NAV1: variants seen among roughly 807,000 people sequenced by gnomAD.
The protein encoded by NAV1 is neuron navigator 1.
In NAV1, 18 loss-of-function variants were observed where a neutral mutation model predicts 175.2. That is an observed-to-expected ratio of 0.10 (90% CI 0.07 to 0.15). The LOEUF (loss-of-function observed/expected upper bound fraction) is 0.15. Among genes scored for constraint, NAV1 ranks in the 10% least tolerant of loss-of-function variants. The pLI is 1.00. For synonymous variants in NAV1, 897 were observed against 978.7 expected (o/e 0.92, Z 1.56); for missense variants, 1,731 against 2,436.6 (o/e 0.71, Z 6.10).
exon 29 of NAV1, chr1:201,817,220 G>A (rs745852301): frequency 1.9e-6 from 3 of 1,614,102 alleles, no homozygotes; most frequent in Middle Eastern, 1.6e-4. Context: ...TCACAGCATT[G>A]CCTCACCTCC....
Position 201,632,441 on chromosome 1 carries a change from C to T in NAV1, c.4+2934C>T, listed in dbSNP as rs558265019. Reference sequence around the variant, plus strand: ...CTGTTGGTGACAGCCCAGCACTGGTCCCATCTGCTGACTCTCCCTTTGGTT... The same window carrying T: ...CTGTTGGTGACAGCCCAGCACTGGTTCCATCTGCTGACTCTCCCTTTGGTT... On this transcript the variant is annotated intron_variant, in intron 2 of 29. Coordinates refer to the NAV1 transcript ENST00000367302. Among the ~76,000 whole-genome samples the T allele has an allele frequency of 3.3e-5, 5 of 152,354 alleles. No homozygotes were observed. The East Asian group carries it at 7.7e-4, about 24-fold the overall frequency.
chr1:201,801,280 T>C (rs1468993076), intron 15 of NAV1, among the ~76,000 whole-genome samples: 3 of 152,198 alleles, frequency 2.0e-5, no homozygotes, highest in Non-Finnish European at 2.9e-5. Flanking sequence ...CCCTGTAGTA[T>C]CAAGGGAAAA....
At chr1:201,799,176 C>CTGTGTGTGTGTGTG (rs56994916) in intron 15 of NAV1, among the ~76,000 whole-genome samples, 40 of 150,700 alleles carry the variant, frequency 2.7e-4, no homozygotes, top group Non-Finnish European at 4.0e-4. Flanking sequence ...GTTCAAGAAA[C>CTGTGTGTGTGTGTG]TGTGTGTGTG....
At chr1:201,550,075 T>C (rs7536311) in intron 1 of NAV1, among the ~76,000 whole-genome samples, 98,553 of 147,744 alleles carry the variant, frequency 0.67, 33,196 homozygotes, top group Middle Eastern at 0.76. Context: ...CAGAAAGAGC[T>C]CCAGGACGCA....
intron 2 of NAV1, among the ~76,000 whole-genome samples, chr1:201,603,789 C>T (rs969216038): frequency 1.3e-5 from 2 of 152,132 alleles, no homozygotes; most frequent in African/African-American, 4.8e-5. Flanking sequence ...AATCATTTGC[C>T]CATGGCTCAT....
At chr1:201,615,267 C>CT (rs949162841) in intron 2 of NAV1, among the ~76,000 whole-genome samples, 480 of 141,994 alleles carry the variant, frequency 3.4e-3, no homozygotes, top group Non-Finnish European at 4.5e-3. Flanking sequence ...TTCTTTCTTT[C>CT]TTTTTTTTTT....
intron 1 of NAV1, among the ~76,000 whole-genome samples, chr1:201,690,841 T>C (rs955759301): frequency 6.6e-6 from 1 of 152,240 alleles, no homozygotes; most frequent in Non-Finnish European, 1.5e-5. Context: ...TTTGCTTTCC[T>C]GGTCTCAGGC....
intron 3 of NAV1, chr1:201,719,707 C>G (rs1245919803): frequency 6.5e-6 from 1 of 153,344 alleles, no homozygotes; most frequent in Non-Finnish European, 1.5e-5. Context: ...GCCACTTTCA[C>G]TCTCCCTTCT....
intron 1 of NAV1, among the ~76,000 whole-genome samples, chr1:201,573,732 T>C (rs905607768): frequency 9.9e-5 from 15 of 152,250 alleles, no homozygotes; most frequent in African/African-American, 3.1e-4. Flanking sequence ...ATATTATCTA[T>C]TACTAATTGG....
chr1:201,722,063 A>G (rs1672409267), intron 3 of NAV1, among the ~76,000 whole-genome samples: 1 of 152,226 alleles, frequency 6.6e-6, no homozygotes. Flanking sequence ...CATGTTTTTT[A>G]AAAAGGATTT....
At position 201,601,321 on chromosome 1, in the gene NAV1, C is replaced by G. The variant is rs377096814; in HGVS notation, c.-33+12672C>G. 7.9e-4 allele frequency among the ~76,000 whole-genome samples: 120 copies of G among 152,264 alleles called. No homozygotes were observed. In the Middle Eastern group the frequency reaches 0.02, roughly 26 times the overall value. On this transcript the variant is annotated intron_variant, in intron 2 of 33. Coordinates refer to the NAV1 transcript ENST00000685211. The stretch of plus-strand genomic sequence containing the variant: ...ACACAGTGAGATCCTGACTCTATCA[C>G]ACACACAAAAAATTAGCTGGGCTTG...
Position 201,718,781 on chromosome 1 carries a change from C to T in NAV1, c.1226+26C>T, listed in dbSNP as rs769144424. 3.8e-6 allele frequency: 6 copies of T among 1,575,158 alleles called. No individual in the cohort carries two copies. The highest frequency in any genetic ancestry group is 2.7e-5 in the African/African-American group (2 of 74,186). On this transcript the variant is annotated intron_variant, in intron 3 of 29. Transcript: ENST00000367296. This position sits in a 1 kb window ranked among gnomAD's most constrained non-coding sequence, Gnocchi z 4.8. ...GTAAGCGCAGGGGCTTCTTGGATGG[C>T]GGGGGAGGATGGTGGAAAGACCACT...
At chr1:201,825,407 A>G (rs1056718841) in exon 30 of NAV1, 2 of 151,910 alleles carry the variant, frequency 1.3e-5, no homozygotes, top group African/African-American at 2.4e-5. Flanking sequence ...TATTTGAGTT[A>G]TAAAGGGCAC....
At chr1:201,736,107 AG>A (rs1673104254) in intron 3 of NAV1, among the ~76,000 whole-genome samples, 1 of 152,220 alleles carries the variant, frequency 6.6e-6, no homozygotes, top group Non-Finnish European at 1.5e-5. Context: ...ACAGGCCCAG[AG>A]GGACATTCTC....
intron 2 of NAV1, among the ~76,000 whole-genome samples, chr1:201,631,669 A>G (rs965435702): frequency 6.6e-6 from 1 of 152,260 alleles, no homozygotes; most frequent in Non-Finnish European, 1.5e-5. Flanking sequence ...GCTAGGCCCC[A>G]TGGCATAAGG....
At chr1:201,739,063 G>A (rs1210281699) in intron 3 of NAV1, among the ~76,000 whole-genome samples, 1 of 152,160 alleles carries the variant, frequency 6.6e-6, no homozygotes, top group Non-Finnish European at 1.5e-5. Context: ...GACCCTCAGG[G>A]GGGAGGAACC....
intron 1 of NAV1, chr1:201,688,446 G>A (rs1311996662): frequency 6.6e-6 from 1 of 152,096 alleles, no homozygotes; most frequent in Non-Finnish European, 1.5e-5. Flanking sequence ...AGATGATCTG[G>A]GATATTAGAA....
chr1:201,606,631 C>T (rs893462383), intron 2 of NAV1, among the ~76,000 whole-genome samples: 1 of 152,210 alleles, frequency 6.6e-6, no homozygotes, highest in Non-Finnish European at 1.5e-5. Flanking sequence ...TAACCTCTAA[C>T]TTAAATCCCT....
chr1:201,761,827 T>A (rs1441468614), intron 3 of NAV1, among the ~76,000 whole-genome samples: 3 of 152,196 alleles, frequency 2.0e-5, no homozygotes, highest in Admixed American at 6.5e-5. Flanking sequence ...TTCTCTATTC[T>A]TTTCCAACCT....
Sources: allele counts gnomAD v4.1 joint callset (sites outside exome capture counted in the v4.1 genomes callset), GRCh38; gene constraint gnomAD v4.1.1; non-coding constraint Gnocchi (gnomAD v3.1); transcripts MANE v1.5; gene names NCBI Gene and HGNC (gene_info 2026-07-23, HGNC 2026-07-21).